Variants in UBR4 observed in about 807,000 individuals in gnomAD.
UBR4 encodes E3 ubiquitin-protein ligase UBR4.
In UBR4, 124 loss-of-function variants were observed where a neutral mutation model predicts 575.6. The ratio of observed to expected loss-of-function variants is 0.22; its 90% CI spans 0.19 to 0.25. The LOEUF is 0.25. UBR4 is among the 10% of genes least tolerant of loss of function. UBR4 has a pLI of 1.00. For missense variants in UBR4, 4,818 were observed against 6,478.8 expected (o/e 0.74, Z 8.80); for synonymous variants, 2,455 against 2,473.7 (o/e 0.99, Z 0.22).
At chr1:19,199,835 A>G in intron 2 of UBR4, 81 bp from the exon 3 acceptor site, 1 of 1,257,836 alleles carries the variant, frequency 8.0e-7, no homozygotes, top group Non-Finnish European at 1.1e-6. Context: ...ATTGAGCTCT[A>G]TGTCCAACAT....
chr1:19,105,909 G>A, intron 83 of UBR4, 67 bp from the exon 84 acceptor site: 1 of 1,292,332 alleles, frequency 7.7e-7, no homozygotes, highest in Non-Finnish European at 1.0e-6. Flanking sequence ...GCCCCCAGCA[G>A]GGCAGTCAAC....
At chr1:19,194,948 TAA>T (rs1489699812) in intron 8 of UBR4, among the ~76,000 whole-genome samples, 1 of 151,322 alleles carries the variant, frequency 6.6e-6, no homozygotes, top group Non-Finnish European at 1.5e-5. Context: ...CTGTATTTCT[TAA>T]ATAAATAAAT....
rs2091259285 is a variant in UBR4 at position 19,183,791 on chromosome 1, T to G, written c.2184+20A>C. The G allele has an allele frequency of 6.2e-7, 1 of 1,612,456 alleles. No homozygotes were observed. Among genetic ancestry groups the G allele is most frequent in the South Asian group, 1.1e-5 (1 of 90,954 alleles). ...CTGGTGTCATGAGCTCTTGCCTAGA[T>G]GGTCACAGCACACACAAACCTGCAG... On this transcript the variant is annotated intron_variant, in intron 17 of 105. Transcript: ENST00000375254.
At chr1:19,144,595 A>G (rs2084581109) in intron 54 of UBR4, among the ~76,000 whole-genome samples, 191 bp downstream of exon 54, 1 of 152,234 alleles carries the variant, frequency 6.6e-6, no homozygotes, top group Admixed American at 6.5e-5. Context: ...AATAAGAAAG[A>G]CTGAGCCCAT....
chr1:19,190,312 A>AAAAAAAAAAAAATATATATATAT, intron 11 of UBR4, among the ~76,000 whole-genome samples: 15 of 79,896 alleles, frequency 1.9e-4, no homozygotes, highest in African/African-American at 2.7e-4. Context: ...AAAAAAAAAA[A>AAAAAAAAAAAAATATATATATAT]ATATATATAT....
intron 105 of UBR4, 167 bp from the exon 106 acceptor site, chr1:19,075,063 C>A (rs936080185): frequency 3.4e-5 from 23 of 686,452 alleles, no homozygotes; most frequent in Middle Eastern, 2.4e-4. Context: ...TTGAGCAAAA[C>A]CCTGTTCCGC....
Position 19,146,981 on chromosome 1 carries a change from T to C in UBR4, c.7649A>G (p.Lys2550Arg), listed in dbSNP as rs763309827. The change falls in exon 52 of 106, where the codon AAA becomes AGA. Residue 2550 changes from lysine (K) to arginine (R), a missense_variant. Physicochemically the swap from Lys to Arg is conservative, Grantham distance 26 (BLOSUM62 2). Coordinates refer to ENST00000375254, the MANE Select transcript of UBR4 (RefSeq NM_020765.3). ...AGATGTGTTGAGACACTGCACAGCT[T>C]TGCTCAGCAAGGCCTGATCCTGTAA... is the stretch of plus-strand genomic sequence containing the variant. Reference protein sequence around the residue: ...HSHKDQALLSKAVQCLNTSSK... With the variant: ...HSHKDQALLSRAVQCLNTSSK... 20 of 1,609,428 alleles carry C rather than the reference T, an allele frequency of 1.2e-5. No homozygotes were observed. The highest frequency in any genetic ancestry group is 1.5e-5 in the Non-Finnish European group (18 of 1,176,996).
rs140194209 is a variant in UBR4 at position 19,148,801 on chromosome 1, G to A, written c.7431-175C>T. 9.8e-4 allele frequency among the ~76,000 whole-genome samples: 150 copies of A among 152,298 alleles called. 1 individual carries two copies. Among genetic ancestry groups the A allele is most frequent in the African/African-American group, 3.5e-3 (146 of 41,566 alleles). On this transcript the variant is annotated intron_variant, in intron 49 of 105. Coordinates refer to ENST00000375254, the MANE Select transcript of UBR4 (RefSeq NM_020765.3). ...ATGCATATCGTTTCCTACGTTACAG[G>A]CCAGGAGAAACCTGGCTCCTGCTCA...
Position 19,114,796 on chromosome 1 carries a change from C to T in UBR4, c.11202+15G>A, listed in dbSNP as rs745705438. 6.2e-7 allele frequency: 1 copy of T among 1,613,888 alleles called. No homozygotes were observed. Among genetic ancestry groups the T allele is most frequent in the Non-Finnish European group, 8.5e-7 (1 of 1,179,934 alleles). ...CAAGGCCACAGCCCTGAGTCTAGGC[C>T]AGATCTGGCCTCACCTTCTTCCGGT... is the stretch of plus-strand genomic sequence containing the variant. On this transcript the variant is annotated intron_variant, in intron 75 of 105. Transcript: ENST00000375254.
chr1:19,152,554 C>A lies in UBR4; in HGVS notation c.6833-78G>T. ...ACCACTGGTAAAGACTCCTCCCAGA[C>A]AGAGCCCACACTCACACTCTAATCT... On this transcript the variant is annotated intron_variant, in intron 46 of 105. Transcript: ENST00000375254. The surrounding 1 kb of genome is among the most constrained non-coding windows in gnomAD (Gnocchi z 4.4). 1.3e-6 allele frequency: 2 copies of A among 1,572,544 alleles called. No individual in the cohort carries two copies. The highest frequency in any genetic ancestry group is 1.7e-5 in the Admixed American group (1 of 58,720).
rs528401611 is a variant in UBR4 at position 19,130,551 on chromosome 1, T to C, written c.8907-1477A>G. 2.2e-4 allele frequency among the ~76,000 whole-genome samples: 34 copies of C among 152,278 alleles called. 1 individual carries two copies. In the East Asian group the frequency reaches 6.2e-3, roughly 28 times the overall value. Reference sequence around the variant, plus strand: ...ACGAATGAAAGAAAGTACGGGGTCTTACGTGAATTATAAATTATTGTCATT... The same window carrying C: ...ACGAATGAAAGAAAGTACGGGGTCTCACGTGAATTATAAATTATTGTCATT... On this transcript the variant is annotated intron_variant, in intron 60 of 105. Transcript: ENST00000375254.
intron 56 of UBR4, 44 bp from the exon 57 acceptor site, chr1:19,141,568 CT>C: frequency 6.3e-7 from 1 of 1,598,208 alleles, no homozygotes. Flanking sequence ...TAAGTGGTAA[CT>C]TTTGGAAGTC....
At chr1:19,120,433 G>C in intron 68 of UBR4, 85 bp from the exon 69 acceptor site, 1 of 1,484,924 alleles carries the variant, frequency 6.7e-7, no homozygotes. Context: ...AATGGTGAGG[G>C]AGGGAATTCT....
chr1:19,172,920 G>A lies in UBR4; in HGVS notation c.3465C>T (p.Thr1155=). Residue 1155 remains threonine (T), a synonymous_variant, in exon 25 of 106, where the codon ACC becomes ACT. Transcript: ENST00000375254. ...GCAGCGTGGCTGGAAGTAGGTTCTT[G>A]GTAATCTCAGACGACTTATGAGGAT... ...ETDPHKSSEI[T]KNLLPATLQL... is the part of the protein sequence containing the mutation. 1.9e-6 allele frequency: 3 copies of A among 1,614,140 alleles called. No individual in the cohort carries two copies. The highest frequency in any genetic ancestry group is 2.2e-5 in the East Asian group (1 of 44,874).
rs1488599443 is a variant in UBR4, at chr1:19,100,836, A to T, written c.13024-263T>A. On this transcript the variant is annotated intron_variant, in intron 88 of 105. Coordinates refer to ENST00000375254, the MANE Select transcript of UBR4 (RefSeq NM_020765.3). The surrounding 1 kb of genome is among the most constrained non-coding windows in gnomAD (Gnocchi z 4.2). ...TAACAAAACAAGCAGACAAGGAGTG[A>T]CATATGAGAGATATATTAAAAAATC... Among the ~76,000 whole-genome samples, 1 of 151,950 alleles carries T rather than the reference A, an allele frequency of 6.6e-6. No individual in the cohort carries two copies. The highest frequency in any genetic ancestry group is 1.5e-5 in the Non-Finnish European group (1 of 67,992).
At chr1:19,146,172 T>A (rs898641199) in intron 52 of UBR4, 3 of 1,342,220 alleles carry the variant, frequency 2.2e-6, no homozygotes, top group Non-Finnish European at 3.0e-6. Flanking sequence ...GCATTTAGGA[T>A]GTTTACCGCA....
intron 60 of UBR4, among the ~76,000 whole-genome samples, chr1:19,135,392 T>A (rs1206927877): frequency 6.6e-6 from 1 of 152,226 alleles, no homozygotes; most frequent in East Asian, 1.9e-4. Context: ...CTAATCGACA[T>A]AAATGTTAGT....
intron 44 of UBR4, among the ~76,000 whole-genome samples, chr1:19,154,196 A>G (rs980060159): frequency 2.6e-5 from 4 of 152,202 alleles, no homozygotes; most frequent in African/African-American, 9.6e-5. Context: ...AGGTGGCCCT[A>G]TGTGCCTAGA....
chr1:19,126,539 G>A lies in UBR4; in HGVS notation c.9345C>T (p.Asp3115=), dbSNP rs758156531. ...LLEYWKSQQN[D]EEPVATSQLL... ...ACTGGCTGGTAGCCACAGGCTCCTC[G>A]TCATTCTGTTGGCTCTTCCAATATT... The change falls in exon 64 of 106, where the codon GAC becomes GAT. Residue 3115 remains aspartate (D), a synonymous_variant. Transcript: ENST00000375254. The A allele has an allele frequency of 1.5e-5, 25 of 1,614,170 alleles. No homozygotes were observed. Among genetic ancestry groups the A allele is most frequent in the Middle Eastern group, 1.7e-4 (1 of 6,056 alleles).
Sources: gnomAD v4.1 joint callset for allele counts (sites outside exome capture counted in the v4.1 genomes callset) on GRCh38, gnomAD v4.1.1 for gene constraint, Gnocchi (gnomAD v3.1) non-coding constraint, MANE v1.5 for transcripts, NCBI Gene and HGNC (gene_info 2026-07-23, HGNC 2026-07-21) for gene names.